SPECC1: variants seen among roughly 807,000 people sequenced by gnomAD.
The protein encoded by SPECC1 is sperm antigen with calponin homology and coiled-coil domains 1, also known as cytospin-B.
A neutral mutation model predicts 104.1 loss-of-function variants in SPECC1; 62 were observed. The observed-to-expected ratio is 0.60, with a 90% confidence interval of 0.49 to 0.74. SPECC1 has a LOEUF of 0.74. SPECC1 is among the 30% of genes least tolerant of loss of function. The probability of loss-of-function intolerance (pLI) is 0.00; values close to 1 mark genes in which losing one functional copy is unlikely to be tolerated. For synonymous variants in SPECC1, 513 were observed against 501.6 expected, an observed-to-expected ratio of 1.02 and a Z score of -0.30; for missense variants, 1,306 against 1,310.5, an observed-to-expected ratio of 1.00 and a Z score of 0.05.
At chr17:20,122,602 A>G (rs761903935) in intron 3 of SPECC1, among the ~76,000 whole-genome samples, 15 of 152,128 alleles carry the variant, frequency 9.9e-5, no homozygotes, top group Non-Finnish European at 1.5e-4. Context: ...CATCTTCTCA[A>G]AGTGAAACTC....
intron 2 of SPECC1, 152 bp downstream of exon 2, chr17:20,096,950 A>G: frequency 1.9e-6 from 2 of 1,033,024 alleles, no homozygotes; most frequent in Non-Finnish European, 2.8e-6. Context: ...CCTGGACATG[A>G]AGGAATAGAG....
At chr17:20,179,058 T>C (rs1402190592) in intron 3 of SPECC1, among the ~76,000 whole-genome samples, 1 of 152,164 alleles carries the variant, frequency 6.6e-6, no homozygotes, top group East Asian at 1.9e-4. Flanking sequence ...TTCAGACATA[T>C]CAGCCTGGGT....
chr17:20,207,717 G>A (rs1203405417), intron 4 of SPECC1, among the ~76,000 whole-genome samples: 1 of 152,114 alleles, frequency 6.6e-6, no homozygotes, highest in East Asian at 1.9e-4. Flanking sequence ...TTTGCTGTAT[G>A]TCCTTTCAGG....
chr17:20,165,627 C>G (rs537305122), intron 3 of SPECC1, among the ~76,000 whole-genome samples: 54 of 152,220 alleles, frequency 3.5e-4, no homozygotes, highest in Non-Finnish European at 6.2e-4. Flanking sequence ...TTTGAGGAAT[C>G]GCTGCACTGT....
At chr17:20,311,383 TG>T (rs202018140) in intron 14 of SPECC1, among the ~76,000 whole-genome samples, 265 of 150,970 alleles carry the variant, frequency 1.8e-3, no homozygotes, top group African/African-American at 5.5e-3. Context: ...ATTTTTTTTT[TG>T]TTTTTGTTTT....
At chr17:20,236,837 C>G (rs775396435) in intron 7 of SPECC1, 12 of 1,613,802 alleles carry the variant, frequency 7.4e-6, no homozygotes, top group Non-Finnish European at 9.3e-6. Flanking sequence ...TACAGCCTCT[C>G]CCTCCCGTTT....
intron 1 of SPECC1, among the ~76,000 whole-genome samples, chr17:20,051,864 T>A (rs547749530): frequency 1.2e-3 from 184 of 152,306 alleles, no homozygotes; most frequent in Non-Finnish European, 2.3e-3. Context: ...AATAGAAGCA[T>A]GGACTTCAGA....
chr17:20,158,752 G>A (rs964637434), intron 3 of SPECC1, among the ~76,000 whole-genome samples: 22 of 152,080 alleles, frequency 1.4e-4, no homozygotes, highest in Admixed American at 1.1e-3. Flanking sequence ...TGGCAAGTTC[G>A]GTTTTTTTTG....
At chr17:20,265,708 G>A (rs1475584756) in intron 12 of SPECC1, among the ~76,000 whole-genome samples, 1 of 152,080 alleles carries the variant, frequency 6.6e-6, no homozygotes, top group Admixed American at 6.5e-5. Context: ...TTTTCTTCTA[G>A]GATTTTTATA....
intron 4 of SPECC1, among the ~76,000 whole-genome samples, chr17:20,209,831 G>A (rs1774062398): frequency 6.6e-6 from 1 of 152,118 alleles, no homozygotes; most frequent in South Asian, 2.1e-4. Context: ...CAGTTGTTTG[G>A]GATCTTGGTT....
chr17:20,182,575 G>A (rs1028757270), intron 3 of SPECC1, among the ~76,000 whole-genome samples: 2 of 152,158 alleles, frequency 1.3e-5, no homozygotes, highest in African/African-American at 4.8e-5. Context: ...ATATAACAAT[G>A]CAATAATTGG....
At chr17:20,168,689 A>G (rs935637806) in intron 3 of SPECC1, among the ~76,000 whole-genome samples, 3 of 152,242 alleles carry the variant, frequency 2.0e-5, no homozygotes, top group African/African-American at 7.2e-5. Context: ...AAGGAGATCA[A>G]CTGAAAAAGC....
intron 1 of SPECC1, among the ~76,000 whole-genome samples, chr17:20,070,306 A>C (rs2046502153): frequency 6.6e-6 from 1 of 152,082 alleles, no homozygotes; most frequent in Admixed American, 6.6e-5. Context: ...CTAGTTGTTC[A>C]GTGTTTATAT....
chr17:20,194,344 A>G (rs2035863202), intron 3 of SPECC1, among the ~76,000 whole-genome samples: 1 of 152,030 alleles, frequency 6.6e-6, no homozygotes, highest in Non-Finnish European at 1.5e-5. Context: ...AACCTTGAAC[A>G]GGGACTGTTG....
At chr17:20,174,018 C>T (rs1393697527) in intron 3 of SPECC1, among the ~76,000 whole-genome samples, 1 of 150,362 alleles carries the variant, frequency 6.7e-6, no homozygotes, top group Non-Finnish European at 1.5e-5. Flanking sequence ...CTGCAATCTC[C>T]ACCTCCCAGG....
intron 3 of SPECC1, among the ~76,000 whole-genome samples, chr17:20,130,571 T>G (rs1256652824): frequency 6.6e-6 from 1 of 152,212 alleles, no homozygotes; most frequent in Admixed American, 6.5e-5. Flanking sequence ...CATACTTTTA[T>G]TCTGGGTTCT....
chr17:20,110,933 T>G (rs141752343), intron 3 of SPECC1, among the ~76,000 whole-genome samples: 3 of 152,028 alleles, frequency 2.0e-5, no homozygotes, highest in African/African-American at 7.2e-5. Context: ...CTTGCGAAGG[T>G]GGGTGTCTAA....
At chr17:20,287,584 C>T (rs1010002653) in intron 12 of SPECC1, among the ~76,000 whole-genome samples, 6 of 152,162 alleles carry the variant, frequency 3.9e-5, no homozygotes, top group Non-Finnish European at 5.9e-5. Context: ...TACTGACCCC[C>T]TCGTTCCTGA....
chr17:20,112,517 T>G lies in SPECC1; in HGVS notation c.283+1955T>G, dbSNP rs1053476345. On this transcript the variant is annotated intron_variant, in intron 3 of 14. Coordinates refer to ENST00000395527, the MANE Select transcript of SPECC1 (RefSeq NM_001243439.2). ...CTTCAGTGGTGCTGATCTTTCTCAT[T>G]TGGACCTTTGAAACATTAACTTCAA... 55 of 772,456 alleles carry G rather than the reference T, an allele frequency of 7.1e-5. 1 individual carries two copies. The highest frequency in any genetic ancestry group is 3.6e-4 in the Middle Eastern group (1 of 2,774). 47.9% of individuals were successfully genotyped at this position (772,456 alleles called of 1,614,324 possible). A position where few individuals can be genotyped will look rare whatever the true frequency, so the allele number is the denominator to read the frequency against.
Sources: allele counts gnomAD v4.1 joint callset (sites outside exome capture counted in the v4.1 genomes callset), GRCh38; gene constraint gnomAD v4.1.1; transcripts MANE v1.5; gene names NCBI Gene and HGNC (gene_info 2026-07-23, HGNC 2026-07-21).